The following ECT2 variants were observed in gnomAD, a reference collection of about 807,000 sequenced individuals.
The protein encoded by ECT2 is protein ECT2.
A neutral mutation model predicts 116.9 loss-of-function variants in ECT2; 61 were observed. The ratio of observed to expected loss-of-function variants is 0.52; its 90% CI spans 0.42 to 0.65. ECT2 has a LOEUF of 0.65. Ranked by LOEUF, ECT2 falls within the 30% of genes least tolerant of loss-of-function variation. ECT2 has a pLI of 0.00. For missense variants in ECT2, 937 were observed against 1,078.7 expected (o/e 0.87, Z 1.84); for synonymous variants, 358 against 346.4 (o/e 1.03, Z -0.37).
intron 22 of ECT2, among the ~76,000 whole-genome samples, chr3:172,811,682 G>A (rs748289120): frequency 4.6e-5 from 7 of 151,290 alleles, no homozygotes; most frequent in Non-Finnish European, 8.8e-5. Flanking sequence ...CATTAAAAGA[G>A]CATTTCAGCA....
chr3:172,791,361 C>T (rs1253131180), intron 18 of ECT2, among the ~76,000 whole-genome samples: 2 of 152,184 alleles, frequency 1.3e-5, no homozygotes, highest in Non-Finnish European at 2.9e-5. Flanking sequence ...AGCTCTGAAA[C>T]CAGGTATTGA....
chr3:172,785,901 C>T (rs990823005), intron 17 of ECT2, among the ~76,000 whole-genome samples: 1 of 152,078 alleles, frequency 6.6e-6, no homozygotes. Context: ...TGTAGAAATT[C>T]GTAAATGTTA....
chr3:172,761,751 T>C, intron 8 of ECT2, 68 bp downstream of exon 8: 2 of 1,173,082 alleles, frequency 1.7e-6, no homozygotes, highest in South Asian at 1.5e-5. Flanking sequence ...TAAATCCATG[T>C]GCTGAAAAAA....
intron 24 of ECT2, among the ~76,000 whole-genome samples, chr3:172,817,548 A>G (rs559701787): frequency 2.6e-5 from 4 of 152,256 alleles, no homozygotes; most frequent in South Asian, 4.1e-4. Flanking sequence ...TGAGTAGAAT[A>G]TAATCTCTGA....
chr3:172,806,970 A>C (rs1250655702), intron 21 of ECT2, among the ~76,000 whole-genome samples: 1 of 152,006 alleles, frequency 6.6e-6, no homozygotes, highest in Non-Finnish European at 1.5e-5. Flanking sequence ...GAAAACTTGA[A>C]CAGCAACTTC....
At chr3:172,800,824 C>T (rs1726575997) in intron 18 of ECT2, among the ~76,000 whole-genome samples, 1 of 152,120 alleles carries the variant, frequency 6.6e-6, no homozygotes. Context: ...TTATATATCA[C>T]ATACATTATT....
Position 172,805,820 on chromosome 3 carries a change from A to C in ECT2, c.2196A>C (p.Leu732=), listed in dbSNP as rs1276807752. 4.3e-6 allele frequency: 7 copies of C among 1,613,664 alleles called. No homozygotes were observed. Among genetic ancestry groups the C allele is most frequent in the Non-Finnish European group, 5.9e-6 (7 of 1,179,830 alleles). The change falls in exon 21 of 25, where the codon CTA becomes CTC. Residue 732 remains leucine, a synonymous_variant. Transcript: ENST00000392692. The part of the protein sequence containing the change: ...RPPASLKHIH[L]MPLSQIKKVL... The stretch of plus-strand genomic sequence containing the variant: ...CAGCTTCTCTTAAGCATATTCACCT[A>C]ATGCCTCTTTCTCAGATTAAGAAGG...
At chr3:172,781,940 C>T (rs558504653) in intron 14 of ECT2, among the ~76,000 whole-genome samples, 96 of 152,194 alleles carry the variant, frequency 6.3e-4, no homozygotes, top group Non-Finnish European at 1.0e-3. Flanking sequence ...TTAGGCTTAT[C>T]GACTTTACAT....
intron 6 of ECT2, 49 bp from the exon 7 acceptor site, chr3:172,760,107 T>G: frequency 1.6e-6 from 2 of 1,268,052 alleles, no homozygotes; most frequent in Non-Finnish European, 2.2e-6. Context: ...AGTTTAAAAT[T>G]TTGTTCAAAT....
chr3:172,815,152 T>C (rs1474406611), intron 22 of ECT2, among the ~76,000 whole-genome samples: 1 of 152,206 alleles, frequency 6.6e-6, no homozygotes, highest in African/African-American at 2.4e-5. Flanking sequence ...CCCTACCGGC[T>C]CTTGATCACA....
In ECT2 at chr3:172,762,899, C is replaced by T; in HGVS notation, c.1006-11C>T. On this transcript the variant is annotated splice_polypyrimidine_tract_variant and intron_variant, in intron 10 of 24. Coordinates refer to ENST00000392692, the MANE Select transcript of ECT2 (RefSeq NM_001258315.2). The stretch of plus-strand genomic sequence containing the variant: ...TAAACTGTTTATTAAAATGTTTTTT[C>T]TCTCACCTAGTGGTTCTGGGGAAGC... 1 of 1,612,686 alleles carries T rather than the reference C, an allele frequency of 6.2e-7. No individual in the cohort carries two copies. Among genetic ancestry groups the T allele is most frequent in the Non-Finnish European group, 8.5e-7 (1 of 1,179,478 alleles).
chr3:172,768,599 G>C (rs1296528086), intron 12 of ECT2, among the ~76,000 whole-genome samples: 1 of 152,124 alleles, frequency 6.6e-6, no homozygotes, highest in Non-Finnish European at 1.5e-5. Flanking sequence ...GTAGACTTCA[G>C]ATTTCATCAG....
At chr3:172,810,534 AGTT>A (rs1245386783) in intron 22 of ECT2, among the ~76,000 whole-genome samples, 7 of 152,180 alleles carry the variant, frequency 4.6e-5, no homozygotes, top group Non-Finnish European at 8.8e-5. Context: ...ATACCTAGTA[AGTT>A]GTTAGTATAA....
chr3:172,811,096 TC>T (rs1446931688), intron 22 of ECT2, among the ~76,000 whole-genome samples: 7 of 152,188 alleles, frequency 4.6e-5, no homozygotes, highest in Admixed American at 3.9e-4. Flanking sequence ...TTTTGGCTAA[TC>T]TATCAATTTT....
intron 22 of ECT2, among the ~76,000 whole-genome samples, chr3:172,810,199 G>A (rs1313908965): frequency 6.6e-6 from 1 of 152,106 alleles, no homozygotes; most frequent in African/African-American, 2.4e-5. Context: ...CTTTCCCGAA[G>A]TTTGGTTAGT....
downstream of ECT2, among the ~76,000 whole-genome samples, chr3:172,823,454 A>C (rs1289663527): frequency 6.6e-6 from 1 of 152,192 alleles, no homozygotes; most frequent in Non-Finnish European, 1.5e-5. Flanking sequence ...AATATTTGAC[A>C]GTGTTTCTGC....
At chr3:172,804,577 T>G (rs1459173826) in intron 20 of ECT2, among the ~76,000 whole-genome samples, 1 of 152,206 alleles carries the variant, frequency 6.6e-6, no homozygotes, top group African/African-American at 2.4e-5. Context: ...TGTATATAGT[T>G]TCTCTGTACT....
intron 4 of ECT2, among the ~76,000 whole-genome samples, 185 bp downstream of exon 4, chr3:172,755,760 A>G (rs1201318047): frequency 1.3e-5 from 2 of 152,192 alleles, no homozygotes; most frequent in Non-Finnish European, 1.5e-5. Context: ...TATTTAGTCT[A>G]AATTCTTGCT....
intron 24 of ECT2, 89 bp downstream of exon 24, chr3:172,816,926 C>T: frequency 2.7e-6 from 3 of 1,114,558 alleles, no homozygotes; most frequent in Non-Finnish European, 3.7e-6. Flanking sequence ...AATATTTCTT[C>T]CATTTTAAAA....
Sources: allele counts gnomAD v4.1 joint callset (sites outside exome capture counted in the v4.1 genomes callset), GRCh38; gene constraint gnomAD v4.1.1; transcripts MANE v1.5; gene names NCBI Gene and HGNC (gene_info 2026-07-23, HGNC 2026-07-21).